BRAT1: variants seen among roughly 807,000 people sequenced by gnomAD.
BRAT1 encodes integrator complex assembly factor BRAT1.
Under a neutral mutation model 70.6 loss-of-function variants are expected in BRAT1, and 74 were observed. The observed-to-expected ratio is 1.05, with a 90% CI of 0.87 to 1.27. The LOEUF is 1.27. Ranked by LOEUF, BRAT1 falls within the 50% of genes most tolerant of loss-of-function variation. BRAT1 has a pLI of 0.00. For synonymous variants in BRAT1, 615 were observed against 517.1 expected (o/e 1.19, Z -2.57); for missense variants, 1,203 against 1,098.2 (o/e 1.10, Z -1.35).
rs768195140 is a variant in BRAT1 at position 2,538,126 on chromosome 7, C to T, written c.2409G>A (p.Leu803=). Residue 803 remains leucine (L), a synonymous_variant, in exon 14 of 14, where the codon CTG becomes CTA. Transcript: ENST00000340611. ...DHVEKSPQSL[L]QDMLATGGFL... ...AGCCTCCCGTGGCCAGCATGTCCTG[C>T]AGGAGGGACTGGGGACTCTTTTCCA... 1.9e-6 allele frequency: 3 copies of T among 1,602,718 alleles called. No homozygotes were observed. The highest frequency in any genetic ancestry group is 1.1e-5 in the South Asian group (1 of 90,682).
In BRAT1 at chr7:2,538,141, A is replaced by G. The variant is rs1321336193; in HGVS notation, c.2394T>C (p.Ser798=). 1 of 1,606,944 alleles carries G rather than the reference A, an allele frequency of 6.2e-7. No homozygotes were observed. The highest frequency in any genetic ancestry group is 8.5e-7 in the Non-Finnish European group (1 of 1,175,458). ...GCATGTCCTGCAGGAGGGACTGGGG[A>G]CTCTTTTCCACGTGGTCGCTGCTCT... is the stretch of plus-strand genomic sequence containing the variant. ...LAESSDHVEK[S]PQSLLQDMLA... The change falls in exon 14 of 14, where the codon AGT becomes AGC. Residue 798 remains serine, a synonymous_variant. Transcript: ENST00000340611.
rs975158431 is a variant in BRAT1, at chr7:2,540,827, C to G, written c.1395+152G>C. The G allele has an allele frequency of 8.7e-6, 7 of 800,440 alleles. No individual in the cohort carries two copies. In the African/African-American group the frequency reaches 1.3e-4, roughly 15 times the overall value. 49.6% of individuals were successfully genotyped at this position (800,440 alleles called of 1,614,324 possible). A position where few individuals can be genotyped will look rare whatever the true frequency, so the allele number is the denominator to read the frequency against. ...AGGCCCTGGGCCCGCCCCATGCAGC[C>G]ACCTGCATCGTGAAGCTCTCTGAGC... On this transcript the variant is annotated intron_variant, in intron 10 of 13. Transcript: ENST00000340611.
intron 6 of BRAT1, 96 bp from the exon 7 acceptor site, chr7:2,542,307 G>C (rs1453746367): frequency 6.6e-6 from 7 of 1,068,556 alleles, no homozygotes; most frequent in Non-Finnish European, 9.8e-6. Flanking sequence ...AAATCAGCCA[G>C]GGGGTTGGGA....
chr7:2,541,907 G>T (rs978896880), intron 7 of BRAT1, 71 bp from the exon 8 acceptor site: 5 of 1,510,690 alleles, frequency 3.3e-6, no homozygotes, highest in Non-Finnish European at 4.6e-6. Flanking sequence ...GCCACCCCAC[G>T]GTCACCACCC....
rs755302526 is a variant in BRAT1, at chr7:2,543,814, C to A, written c.579G>T (p.Ala193=). 1.9e-6 allele frequency: 3 copies of A among 1,612,926 alleles called. No homozygotes were observed. Among genetic ancestry groups the A allele is most frequent in the Admixed American group, 1.7e-5 (1 of 60,004 alleles). Residue 193 remains alanine (A), a synonymous_variant, in exon 5 of 14, where the codon GCG becomes GCT. Transcript: ENST00000340611. The surrounding 1 kb of genome is among the most constrained non-coding windows in gnomAD (Gnocchi z 5.5). ...CGTGATCCATGATCTTCTGGGCACA[C>A]GCGGGCCAGTCACCCCCCGGCAGGC... ...QPCLPGGDWP[A]CAQKIMDHVE... is the part of the protein sequence containing the mutation.
intron 2 of BRAT1, among the ~76,000 whole-genome samples, chr7:2,549,708 A>T (rs899611406): frequency 2.6e-5 from 4 of 152,182 alleles, no homozygotes; most frequent in Admixed American, 6.5e-5. Context: ...AAACACTAAA[A>T]ACAAGCAATG....
chr7:2,554,248 C>T, intron 2 of BRAT1, 57 bp downstream of exon 2: 1 of 1,598,192 alleles, frequency 6.3e-7, no homozygotes, highest in Non-Finnish European at 8.5e-7. Flanking sequence ...TGCTCCCTGT[C>T]CCAGCCTCTG....
At chr7:2,538,788 G>C (rs755747273) in intron 13 of BRAT1, 24 bp from the exon 14 acceptor site, 3 of 1,597,448 alleles carry the variant, frequency 1.9e-6, no homozygotes, top group East Asian at 4.5e-5. Flanking sequence ...AGCAAGTGCG[G>C]ATGGTTGGTG....
intron 8 of BRAT1, 63 bp downstream of exon 8, chr7:2,541,655 A>G: frequency 6.6e-7 from 1 of 1,524,210 alleles, no homozygotes. Flanking sequence ...GCGTCAGCCT[A>G]CGTTGCGGTC....
intron 2 of BRAT1, among the ~76,000 whole-genome samples, chr7:2,550,481 C>CAAAAA (rs369777124): frequency 1.4e-4 from 8 of 57,602 alleles, no homozygotes; most frequent in Admixed American, 2.2e-4. Context: ...AAAAAAAAAA[C>CAAAAA]AAAAAAAAAA....
At chr7:2,540,686 C>T (rs562761819) in intron 10 of BRAT1, 5 of 362,550 alleles carry the variant, frequency 1.4e-5, no homozygotes, top group Non-Finnish European at 2.5e-5. Flanking sequence ...CGCCCAGGGC[C>T]GTCTTGGTGC....
At chr7:2,555,096 G>A (rs553812700) in intron 1 of BRAT1, among the ~76,000 whole-genome samples, 1 of 150,912 alleles carries the variant, frequency 6.6e-6, no homozygotes, top group African/African-American at 2.4e-5. Flanking sequence ...GAAGCCGGCG[G>A]GGGGGAGAGG....
intron 2 of BRAT1, among the ~76,000 whole-genome samples, chr7:2,552,426 A>G (rs904632415): frequency 1.3e-5 from 2 of 151,246 alleles, no homozygotes; most frequent in Admixed American, 1.3e-4. Flanking sequence ...CCTTAAATAT[A>G]TATATTAGAA....
At position 2,538,277 on chromosome 7, in the gene BRAT1, G is replaced by C. The variant is rs199914857; in HGVS notation, c.2258C>G (p.Pro753Arg). The change falls in exon 14 of 14, where the codon CCG (proline) becomes CGG (arginine). Residue 753 changes from proline to arginine, a missense_variant. Transcript: ENST00000340611. ...PNTASAEATL[P>R]RWRAGEQAQP... ...GGCCTGCTCACCCGCCCGCCACCTC[G>C]GCAGGGTGGCCTCTGCGGAGGCAGT... The C allele has an allele frequency of 2.5e-6, 4 of 1,611,648 alleles. No homozygotes were observed. The highest frequency in any genetic ancestry group is 1.6e-4 in the Middle Eastern group (1 of 6,078).
chr7:2,539,450 A>G (rs1778970693), intron 12 of BRAT1, 94 bp downstream of exon 12: 1 of 1,504,042 alleles, frequency 6.6e-7, no homozygotes, highest in African/African-American at 1.4e-5. Flanking sequence ...ACATGGCCCA[A>G]GTTTCTAGAG....
chr7:2,547,140 G>A (rs940755790), intron 3 of BRAT1, among the ~76,000 whole-genome samples, 184 bp downstream of exon 3: 7 of 152,170 alleles, frequency 4.6e-5, no homozygotes, highest in Non-Finnish European at 8.8e-5. Flanking sequence ...GCATCACTCC[G>A]GGCGAATTTT....
At chr7:2,544,201 T>TTTTTTG in intron 4 of BRAT1, 1 of 156,742 alleles carries the variant, frequency 6.4e-6, no homozygotes, top group Non-Finnish European at 1.0e-5. Context: ...CTTCTTGTTG[T>TTTTTTG]TTTTTTTTTT....
chr7:2,554,163 T>C, intron 2 of BRAT1, 142 bp downstream of exon 2: 1 of 1,175,850 alleles, frequency 8.5e-7, no homozygotes, highest in Non-Finnish European at 1.2e-6. Context: ...AGATAATCCT[T>C]AGGAAGTGAA....
intron 3 of BRAT1, among the ~76,000 whole-genome samples, chr7:2,546,688 T>C (rs2128402189): frequency 6.7e-6 from 1 of 148,432 alleles, no homozygotes; most frequent in African/African-American, 2.5e-5. Context: ...TTAGCTGAGT[T>C]CGAACCATTG....
Sources: allele counts gnomAD v4.1 joint callset (sites outside exome capture counted in the v4.1 genomes callset), GRCh38; gene constraint gnomAD v4.1.1; non-coding constraint Gnocchi (gnomAD v3.1); transcripts MANE v1.5; gene names NCBI Gene and HGNC (gene_info 2026-07-23, HGNC 2026-07-21).